Variants in FAM171B observed in about 807,000 individuals in gnomAD.
The protein encoded by FAM171B is family with sequence similarity 171 member B.
In FAM171B, 19 loss-of-function variants were observed where a neutral mutation model predicts 75.6. That is an observed-to-expected ratio of 0.25 (90% CI 0.18 to 0.37). FAM171B has a LOEUF of 0.37. FAM171B is among the 10% of genes least tolerant of loss of function. The pLI, the probability that FAM171B is intolerant of heterozygous loss-of-function variation, is 1.00. For synonymous variants in FAM171B, 367 were observed against 361.7 expected, an observed-to-expected ratio of 1.01 and a Z score of -0.17; for missense variants, 848 against 982.4, an observed-to-expected ratio of 0.86 and a Z score of 1.83.
At chr2:186,712,778 C>T (rs1689826939) in intron 1 of FAM171B, among the ~76,000 whole-genome samples, 1 of 152,132 alleles carries the variant, frequency 6.6e-6, no homozygotes, top group Non-Finnish European at 1.5e-5. Flanking sequence ...TGCTCACATT[C>T]TTTTTCTCAC....
chr2:186,745,946 C>G (rs1690359236), intron 3 of FAM171B, among the ~76,000 whole-genome samples: 2 of 152,186 alleles, frequency 1.3e-5, no homozygotes, highest in Admixed American at 6.5e-5. Flanking sequence ...ATTTTTCTAG[C>G]TTCACACACA....
chr2:186,729,940 CGTTTTTT>C (rs1005817994), intron 1 of FAM171B, among the ~76,000 whole-genome samples: 35 of 151,852 alleles, frequency 2.3e-4, no homozygotes, highest in African/African-American at 6.3e-4. Flanking sequence ...TGCAGTTTTT[CGTTTTTT>C]GTTTTTTGTT....
At chr2:186,737,061 GCTAA>G (rs556390453) in intron 1 of FAM171B, among the ~76,000 whole-genome samples, 151 of 152,242 alleles carry the variant, frequency 9.9e-4, no homozygotes, top group African/African-American at 3.4e-3. Context: ...TCTCAAAGTA[GCTAA>G]CTATTTTCCT....
At chr2:186,703,799 A>G (rs1214927343) in intron 1 of FAM171B, among the ~76,000 whole-genome samples, 2 of 151,748 alleles carry the variant, frequency 1.3e-5, no homozygotes, top group African/African-American at 4.8e-5. Flanking sequence ...TTTTTTTTTT[A>G]ATAAATGTCT....
rs1331759266 is a variant in FAM171B at position 186,764,146 on chromosome 2, A to T, written c.*1323A>T. The stretch of plus-strand genomic sequence containing the variant: ...TCCCATTTTTCTTAAAATTTCCCTG[A>T]AGGCAAATGTCTGAAGCACCTTTCC... On this transcript the variant is annotated 3_prime_UTR_variant, in exon 8 of 8. Transcript: ENST00000304698. The T allele has an allele frequency of 6.6e-6, 1 of 152,076 alleles. No homozygotes were observed. Among genetic ancestry groups the T allele is most frequent in the Non-Finnish European group, 1.5e-5 (1 of 67,968 alleles). 9.4% of individuals were successfully genotyped at this position (152,076 alleles called of 1,614,324 possible). A position where few individuals can be genotyped will look rare whatever the true frequency, so the allele number is the denominator to read the frequency against.
chr2:186,762,059 T>C lies in FAM171B; in HGVS notation c.1717T>C (p.Leu573=), dbSNP rs776495701. ...PRKGQLVYGQ[L]MEPVNRENFT... is the part of the protein sequence containing the mutation. The stretch of plus-strand genomic sequence containing the variant: ...AAAGGGACAGTTAGTCTATGGCCAA[T>C]TGATGGAACCAGTAAATCGAGAGAA... The change falls in exon 8 of 8, where the codon TTG becomes CTG. Residue 573 remains leucine, a synonymous_variant. Coordinates refer to ENST00000304698, the MANE Select transcript of FAM171B (RefSeq NM_177454.4). This position sits in a 1 kb window ranked among gnomAD's most constrained non-coding sequence, Gnocchi z 4.0. The C allele has an allele frequency of 5.0e-6, 8 of 1,613,784 alleles. No individual in the cohort carries two copies. The Admixed American group carries it at 5.0e-5, about 10-fold the overall frequency.
chr2:186,717,376 A>G (rs1018398880), intron 1 of FAM171B, among the ~76,000 whole-genome samples: 1 of 152,230 alleles, frequency 6.6e-6, no homozygotes, highest in African/African-American at 2.4e-5. Context: ...GGAGAGATCC[A>G]TACATAAATA....
chr2:186,719,986 G>T (rs557558364), intron 1 of FAM171B, among the ~76,000 whole-genome samples: 1 of 152,190 alleles, frequency 6.6e-6, no homozygotes, highest in Admixed American at 6.5e-5. Flanking sequence ...GAAATATTTA[G>T]TACCATGGTT....
rs73979354 is a variant in FAM171B, at chr2:186,740,273, G to A, written c.284G>A (p.Arg95His). The change falls in exon 2 of 8, where the codon CGT (arginine) becomes CAT (histidine). Residue 95 changes from arginine (R) to histidine (H), a missense_variant. Physicochemically the swap from Arg to His is conservative, Grantham distance 29. Transcript: ENST00000304698. Reference protein sequence around the residue: ...LKVQVNDIISRQYLSQAVVEV... With the variant: ...LKVQVNDIISHQYLSQAVVEV... ...GTCCAGGTGAATGACATCATCAGTC[G>A]TCAGTACCTGAGCCAAGCAGTTGTA... 10,245 of 1,613,918 alleles carry A rather than the reference G, an allele frequency of 6.3e-3. 82 individuals are homozygous for A. The highest frequency in any genetic ancestry group is 0.036 in the African/African-American group (2,694 of 74,994).
At chr2:186,714,630 T>A (rs1438762532) in intron 1 of FAM171B, among the ~76,000 whole-genome samples, 1 of 152,188 alleles carries the variant, frequency 6.6e-6, no homozygotes, top group Non-Finnish European at 1.5e-5. Context: ...GAGTGTTATA[T>A]AGGAATTATT....
At chr2:186,696,871 G>A (rs374310803) in intron 1 of FAM171B, among the ~76,000 whole-genome samples, 12 of 17,690 alleles carry the variant, frequency 6.8e-4, no homozygotes, top group African/African-American at 7.9e-4. Context: ...GTTCTAATAA[G>A]CCTGTTTTTC....
chr2:186,698,948 A>G (rs1476823981), intron 1 of FAM171B, among the ~76,000 whole-genome samples: 1 of 152,116 alleles, frequency 6.6e-6, no homozygotes, highest in Non-Finnish European at 1.5e-5. Flanking sequence ...GTTGTTGCAA[A>G]TGAGAGGATC....
chr2:186,742,749 A>C (rs887873329), intron 2 of FAM171B, among the ~76,000 whole-genome samples: 1 of 152,150 alleles, frequency 6.6e-6, no homozygotes, highest in Non-Finnish European at 1.5e-5. Context: ...ACTCCTCAAA[A>C]CTGATTTTTC....
chr2:186,695,592 A>C (rs1689567972), intron 1 of FAM171B, among the ~76,000 whole-genome samples: 1 of 152,194 alleles, frequency 6.6e-6, no homozygotes, highest in Non-Finnish European at 1.5e-5. Flanking sequence ...GCTGCGATTC[A>C]TGACACAGCC....
chr2:186,708,328 C>G (rs375544451), intron 1 of FAM171B, among the ~76,000 whole-genome samples: 5 of 150,756 alleles, frequency 3.3e-5, no homozygotes, highest in Non-Finnish European at 7.4e-5. Context: ...TGAGAATATA[C>G]AAGATTCCTA....
At chr2:186,709,782 C>T (rs78615266) in intron 1 of FAM171B, among the ~76,000 whole-genome samples, 78 of 152,288 alleles carry the variant, frequency 5.1e-4, no homozygotes, top group Non-Finnish European at 7.9e-4. Context: ...TTTCCACACC[C>T]CACCACAAGG....
At chr2:186,703,246 A>C (rs925090785) in intron 1 of FAM171B, among the ~76,000 whole-genome samples, 1 of 151,986 alleles carries the variant, frequency 6.6e-6, no homozygotes, top group African/African-American at 2.4e-5. Context: ...TGCCTGGACA[A>C]ATTATGTATT....
At chr2:186,696,795 A>T (rs1372960022) in intron 1 of FAM171B, among the ~76,000 whole-genome samples, 2 of 152,124 alleles carry the variant, frequency 1.3e-5, no homozygotes, top group Non-Finnish European at 2.9e-5. Context: ...TTAAAATAGT[A>T]ATCTGCACAT....
At chr2:186,736,567 G>GGGGGA (rs1690204173) in intron 1 of FAM171B, among the ~76,000 whole-genome samples, 6 of 104,590 alleles carry the variant, frequency 5.7e-5, no homozygotes, top group African/African-American at 2.0e-4. Context: ...TGTGTGTGTG[G>GGGGGA]GAGAGAGAGA....
Sources: gnomAD v4.1 joint callset for allele counts (sites outside exome capture counted in the v4.1 genomes callset) on GRCh38, gnomAD v4.1.1 for gene constraint, Gnocchi (gnomAD v3.1) non-coding constraint, MANE v1.5 for transcripts, NCBI Gene and HGNC (gene_info 2026-07-23, HGNC 2026-07-21) for gene names.